The following KANSL1L variants were observed in gnomAD, a reference collection of about 807,000 sequenced individuals.
KANSL1L encodes the protein KAT8 regulatory NSL complex subunit 1-like protein.
In KANSL1L, 25 loss-of-function variants were observed where a neutral mutation model predicts 108.6. The ratio of observed to expected loss-of-function variants is 0.23; its 90% CI spans 0.17 to 0.32. The LOEUF (loss-of-function observed/expected upper bound fraction) is 0.32. Among genes scored for constraint, KANSL1L ranks in the 10% least tolerant of loss-of-function variants. KANSL1L has a pLI of 1.00. For synonymous variants in KANSL1L, 405 were observed against 395.1 expected (o/e 1.03, Z -0.30); for missense variants, 1,137 against 1,125.7 (o/e 1.01, Z -0.14).
At position 210,044,046 on chromosome 2, in the gene KANSL1L, G is replaced by T; in HGVS notation, c.1814C>A (p.Ser605Ter). Residue 605 changes from serine (S) to a stop codon, truncating the protein, a stop_gained, in exon 7 of 15, where the codon TCA (serine) becomes TAA (stop). Transcript: ENST00000281772. LOFTEE classifies it high-confidence loss of function. The surrounding 1 kb of genome is among the most constrained non-coding windows in gnomAD (Gnocchi z 4.2). ...TTCATAGCTACTCCAAGTTGAAGCT[G>T]ATTGCAGGCAAGGCATTTGTGTAGT... ...LNTTQMPCLQ[S>*]ASTWSSYEHN... 1 of 1,609,476 alleles carries T rather than the reference G, an allele frequency of 6.2e-7. No individual in the cohort carries two copies. Among genetic ancestry groups the T allele is most frequent in the Non-Finnish European group, 8.5e-7 (1 of 1,177,772 alleles).
At chr2:210,079,644 A>ATATGTGTG (rs1553653224) in intron 5 of KANSL1L, among the ~76,000 whole-genome samples, 1 of 8,978 alleles carries the variant, frequency 1.1e-4, no homozygotes, top group Non-Finnish European at 3.3e-4. Context: ...ATATATATAT[A>ATATGTGTG]TATATATATA....
chr2:210,096,013 C>A (rs1190582680), intron 5 of KANSL1L, among the ~76,000 whole-genome samples: 1 of 152,080 alleles, frequency 6.6e-6, no homozygotes, highest in Non-Finnish European at 1.5e-5. Flanking sequence ...AAATTTTTGT[C>A]TGCTTTTAAA....
rs566093418 is a variant in KANSL1L at position 210,031,935 on chromosome 2, G to A, written c.2030-389C>T. ...TGGTCAGACTAGACTGTGCGAGCAAGAACCAGAATCATTTAATATCTCTGA... is the reference window on the plus strand; with the variant it reads ...TGGTCAGACTAGACTGTGCGAGCAAAAACCAGAATCATTTAATATCTCTGA... On this transcript the variant is annotated intron_variant, in intron 8 of 14. Coordinates refer to ENST00000281772, the MANE Select transcript of KANSL1L (RefSeq NM_152519.4). Among the ~76,000 whole-genome samples the A allele has an allele frequency of 2.6e-5, 4 of 152,316 alleles. No individual in the cohort carries two copies. In the East Asian group the frequency reaches 7.7e-4, roughly 29 times the overall value.
intron 3 of KANSL1L, among the ~76,000 whole-genome samples, chr2:210,123,537 T>G (rs1008326346): frequency 2.0e-5 from 3 of 151,416 alleles, no homozygotes; most frequent in African/African-American, 7.3e-5. Context: ...TTGGGAAGGG[T>G]GGGGGAGAAT....
intron 3 of KANSL1L, among the ~76,000 whole-genome samples, chr2:210,105,221 C>T (rs979166523): frequency 3.3e-5 from 5 of 151,158 alleles, no homozygotes; most frequent in Non-Finnish European, 5.9e-5. Context: ...TATTCTACCA[C>T]CCTTCCTCCT....
intron 5 of KANSL1L, chr2:210,096,786 C>T (rs12470687): frequency 0.31 from 289,509 of 946,190 alleles, 44,883 homozygotes; most frequent in East Asian, 0.51. Context: ...AATATAAAGT[C>T]GAGAAAAAAT....
chr2:210,037,363 AAAT>A (rs1197271826), intron 8 of KANSL1L, among the ~76,000 whole-genome samples: 1 of 152,178 alleles, frequency 6.6e-6, no homozygotes, highest in Admixed American at 6.5e-5. Flanking sequence ...GACATTCTTA[AAAT>A]AATCATCTTC....
chr2:210,116,081 C>A (rs1291288544), intron 3 of KANSL1L, among the ~76,000 whole-genome samples: 1 of 152,164 alleles, frequency 6.6e-6, no homozygotes, highest in African/African-American at 2.4e-5. Flanking sequence ...AGACTCAGGA[C>A]TGGCAGCATT....
chr2:210,029,940 A>G (rs2093991683), intron 9 of KANSL1L, 22 bp from the exon 10 acceptor site: 1 of 1,179,150 alleles, frequency 8.5e-7, no homozygotes. Flanking sequence ...AGAACCATTG[A>G]ATGTTACACA....
intron 5 of KANSL1L, chr2:210,096,935 T>C: frequency 3.6e-6 from 1 of 277,044 alleles, no homozygotes; most frequent in Non-Finnish European, 5.5e-6. Context: ...CTTTTTATTT[T>C]TTATTATTTA....
chr2:210,160,600 T>C (rs886221279), intron 1 of KANSL1L, among the ~76,000 whole-genome samples: 1 of 152,144 alleles, frequency 6.6e-6, no homozygotes, highest in Non-Finnish European at 1.5e-5. Context: ...TTGGTATAAA[T>C]CTAAACACAA....
intron 4 of KANSL1L, among the ~76,000 whole-genome samples, chr2:210,100,881 G>T (rs1275521476): frequency 1.3e-5 from 2 of 152,102 alleles, no homozygotes; most frequent in African/African-American, 4.8e-5. Flanking sequence ...CAAGCAATCT[G>T]CCCACCTTGG....
chr2:210,107,904 G>A (rs2094866360), intron 3 of KANSL1L, among the ~76,000 whole-genome samples: 1 of 152,092 alleles, frequency 6.6e-6, no homozygotes, highest in Non-Finnish European at 1.5e-5. Context: ...TGTGTTTTCT[G>A]ACTTAAGGCA....
chr2:210,153,772 T>G lies in KANSL1L; in HGVS notation c.811A>C (p.Lys271Gln), dbSNP rs2095317776. Reference protein sequence around the residue: ...MKLSMKHQLPKMKTFHEPTTI... With the variant: ...MKLSMKHQLPQMKTFHEPTTI... Reference sequence around the variant, plus strand: ...GTAGGTTCATGAAATGTCTTCATTTTGGGGAGTTGATGTTTCATAGACAAT... The same window carrying G: ...GTAGGTTCATGAAATGTCTTCATTTGGGGGAGTTGATGTTTCATAGACAAT... Residue 271 changes from lysine (K) to glutamine (Q), a missense_variant, in exon 2 of 15, where the codon AAA (lysine) becomes CAA (glutamine). Transcript: ENST00000281772. 3 of 1,612,348 alleles carry G rather than the reference T, an allele frequency of 1.9e-6. No homozygotes were observed. The highest frequency in any genetic ancestry group is 2.5e-6 in the Non-Finnish European group (3 of 1,179,570).
At chr2:210,135,885 C>A (rs563818015) in intron 2 of KANSL1L, among the ~76,000 whole-genome samples, 239 of 152,178 alleles carry the variant, frequency 1.6e-3, no homozygotes, top group Admixed American at 4.3e-3. Context: ...TTAAGATGAG[C>A]CTTACTGACA....
chr2:210,148,349 A>G (rs1191043102), intron 2 of KANSL1L, among the ~76,000 whole-genome samples: 2 of 152,238 alleles, frequency 1.3e-5, no homozygotes, highest in African/African-American at 4.8e-5. Context: ...AAGAAATGCT[A>G]GAATTCTATG....
chr2:210,063,461 C>G (rs1182594648), intron 6 of KANSL1L, among the ~76,000 whole-genome samples: 1 of 152,210 alleles, frequency 6.6e-6, no homozygotes, highest in Non-Finnish European at 1.5e-5. Flanking sequence ...ACAGCTTGCA[C>G]TGTGTGCCCG....
Position 210,023,094 on chromosome 2 carries a change from A to G in KANSL1L, c.2819T>C (p.Val940Ala), listed in dbSNP as rs1387292190. 1.2e-6 allele frequency: 2 copies of G among 1,613,668 alleles called. No individual in the cohort carries two copies. The highest frequency in any genetic ancestry group is 1.7e-6 in the Non-Finnish European group (2 of 1,179,896). Residue 940 changes from valine to alanine, a missense_variant, in exon 15 of 15, where the codon GTT (valine) becomes GCT (alanine). Coordinates refer to ENST00000281772, the MANE Select transcript of KANSL1L (RefSeq NM_152519.4). The stretch of plus-strand genomic sequence containing the variant: ...ATGGAAAGCTGTGCTTGACCTTTCA[A>G]CCTGATCCTTTTTTTCATCTTGACA... ...LLCQDEKKDQVERSSTAFHGE... is the reference protein window; with the variant it reads ...LLCQDEKKDQAERSSTAFHGE...
In KANSL1L at chr2:210,022,776, C is replaced by T; in HGVS notation, c.*173G>A. 1.7e-6 allele frequency: 1 copy of T among 581,042 alleles called. No homozygotes were observed. The highest frequency in any genetic ancestry group is 3.0e-6 in the Non-Finnish European group (1 of 329,362). 36.0% of individuals were successfully genotyped at this position (581,042 alleles called of 1,614,324 possible). A position where few individuals can be genotyped will look rare whatever the true frequency, so the allele number is the denominator to read the frequency against. ...TTGTCTGTAGATGAAAATCTGGTTA[C>T]CCTTATGGTTCCAGAAGGAAAAACA... On this transcript the variant is annotated 3_prime_UTR_variant, in exon 15 of 15. Transcript: ENST00000281772.
Sources: allele counts gnomAD v4.1 joint callset (sites outside exome capture counted in the v4.1 genomes callset), GRCh38; gene constraint gnomAD v4.1.1; non-coding constraint Gnocchi (gnomAD v3.1); transcripts MANE v1.5; gene names NCBI Gene and HGNC (gene_info 2026-07-23, HGNC 2026-07-21).